The following WWOX variants were observed in gnomAD, a reference collection of about 807,000 sequenced individuals.
The protein encoded by WWOX is WW domain-containing oxidoreductase.
WWOX carries 69 observed loss-of-function variants against 46.2 expected under a neutral mutation model. That is an observed-to-expected ratio of 1.49 (90% CI 1.23 to 1.82). The LOEUF (loss-of-function observed/expected upper bound fraction) is 1.82. WWOX is among the 40% of genes most tolerant of loss of function. The pLI is 0.00. For synonymous variants in WWOX, 359 were observed against 202.6 expected (o/e 1.77, Z -6.56); for missense variants, 919 against 542.6 (o/e 1.69, Z -6.89).
At chr16:79,009,414 G>C (rs1178522911) in intron 8 of WWOX, among the ~76,000 whole-genome samples, 1 of 152,138 alleles carries the variant, frequency 6.6e-6, no homozygotes, top group Non-Finnish European at 1.5e-5. Flanking sequence ...TGGGAAGAGA[G>C]GAGTGGGCAA....
chr16:78,310,006 C>G (rs1046121700), intron 5 of WWOX, among the ~76,000 whole-genome samples: 1 of 152,030 alleles, frequency 6.6e-6, no homozygotes, highest in East Asian at 1.9e-4. Flanking sequence ...TAGTTACTGT[C>G]GCTCCTGTGA....
At chr16:79,125,053 T>G (rs2049721996) in intron 8 of WWOX, among the ~76,000 whole-genome samples, 2 of 152,080 alleles carry the variant, frequency 1.3e-5, no homozygotes, top group African/African-American at 4.8e-5. Context: ...CCATCTTTTT[T>G]TTTTTTTTTA....
At position 78,153,542 on chromosome 16, in the gene WWOX, G is replaced by C. The variant is rs541182712; in HGVS notation, c.410-10641G>C. 1.7e-3 allele frequency among the ~76,000 whole-genome samples: 256 copies of C among 152,162 alleles called. 1 individual carries two copies. The highest frequency in any genetic ancestry group is 2.9e-3 in the Non-Finnish European group (195 of 68,022). ...ATCTCCAGGGAGGGAGAGGATGTGT[G>C]CTGGAAGATTCTACAACTTGTTGAT... is the stretch of plus-strand genomic sequence containing the variant. On this transcript the variant is annotated intron_variant, in intron 4 of 8. Coordinates refer to ENST00000566780, the MANE Select transcript of WWOX (RefSeq NM_016373.4).
chr16:78,618,811 C>T (rs1446055918), intron 8 of WWOX, among the ~76,000 whole-genome samples: 2 of 151,768 alleles, frequency 1.3e-5, no homozygotes, highest in African/African-American at 4.8e-5. Flanking sequence ...TGCCCTGTGG[C>T]CTGAATTGGT....
chr16:79,005,516 C>G (rs1018275759), intron 8 of WWOX, among the ~76,000 whole-genome samples: 3 of 152,200 alleles, frequency 2.0e-5, no homozygotes, highest in Non-Finnish European at 4.4e-5. Flanking sequence ...TCTCTGAAAA[C>G]TCTATGGGGG....
chr16:78,120,808 G>A (rs2151682688), intron 4 of WWOX, among the ~76,000 whole-genome samples: 1 of 152,202 alleles, frequency 6.6e-6, no homozygotes, highest in East Asian at 1.9e-4. Context: ...TACGTGAATA[G>A]AAGAAAATTA....
chr16:78,184,555 T>C (rs1166381625), intron 5 of WWOX, among the ~76,000 whole-genome samples: 1 of 149,300 alleles, frequency 6.7e-6, no homozygotes, highest in Non-Finnish European at 1.5e-5. Flanking sequence ...CACCGAGATC[T>C]ATTTTTTCCC....
At chr16:78,770,867 G>A (rs1329919085) in intron 8 of WWOX, among the ~76,000 whole-genome samples, 1 of 152,260 alleles carries the variant, frequency 6.6e-6, no homozygotes, top group East Asian at 1.9e-4. Context: ...TGGACGGTTG[G>A]CACCGATGCT....
At chr16:78,139,652 A>G (rs1331233141) in intron 4 of WWOX, among the ~76,000 whole-genome samples, 2 of 152,202 alleles carry the variant, frequency 1.3e-5, no homozygotes, top group African/African-American at 2.4e-5. Flanking sequence ...CTCTAAATAC[A>G]TAAATAAATA....
At chr16:78,849,354 G>A (rs576385239) in intron 8 of WWOX, among the ~76,000 whole-genome samples, 21 of 150,880 alleles carry the variant, frequency 1.4e-4, no homozygotes, top group African/African-American at 5.1e-4. Context: ...GGGGGATCAC[G>A]AGGTCGGGAG....
intron 8 of WWOX, among the ~76,000 whole-genome samples, chr16:79,070,109 C>G (rs1393267225): frequency 6.6e-6 from 1 of 152,246 alleles, no homozygotes; most frequent in African/African-American, 2.4e-5. Context: ...AAAGATTGGG[C>G]AAATTGACTT....
chr16:79,185,387 AAG>A (rs1016314016), intron 8 of WWOX, among the ~76,000 whole-genome samples: 27 of 152,326 alleles, frequency 1.8e-4, no homozygotes, highest in Middle Eastern at 3.4e-3. Flanking sequence ...GAGGGGAAAA[AAG>A]AGGTAATACT....
chr16:78,527,593 C>G (rs1257135704), intron 8 of WWOX, among the ~76,000 whole-genome samples: 1 of 152,192 alleles, frequency 6.6e-6, no homozygotes, highest in African/African-American at 2.4e-5. Flanking sequence ...CGCGCCCAGC[C>G]AGACTTGTAT....
chr16:78,904,798 T>A (rs374238971), intron 8 of WWOX, among the ~76,000 whole-genome samples: 2 of 152,232 alleles, frequency 1.3e-5, no homozygotes, highest in East Asian at 1.9e-4. Flanking sequence ...CTTCTTTTTA[T>A]CAACACTTAG....
chr16:78,623,341 C>G (rs1017519270), intron 8 of WWOX, among the ~76,000 whole-genome samples: 9 of 152,178 alleles, frequency 5.9e-5, no homozygotes, highest in Non-Finnish European at 2.9e-5. Context: ...AAGTTACTCA[C>G]CAGGTTTCAG....
intron 8 of WWOX, among the ~76,000 whole-genome samples, chr16:79,000,785 C>T (rs2047077428): frequency 6.6e-6 from 1 of 152,058 alleles, no homozygotes; most frequent in Non-Finnish European, 1.5e-5. Context: ...TATAATATAC[C>T]CTCTAAAAGC....
At chr16:79,036,880 G>A (rs1156589629) in intron 8 of WWOX, among the ~76,000 whole-genome samples, 3 of 152,226 alleles carry the variant, frequency 2.0e-5, no homozygotes, top group Non-Finnish European at 4.4e-5. Context: ...TTCAGTGGAA[G>A]TGCCAAAGGG....
intron 8 of WWOX, among the ~76,000 whole-genome samples, chr16:78,544,846 G>A (rs1162476463): frequency 2.6e-5 from 4 of 152,098 alleles, no homozygotes; most frequent in Non-Finnish European, 5.9e-5. Flanking sequence ...CTGCACTCTA[G>A]CATGCGTGAC....
intron 8 of WWOX, among the ~76,000 whole-genome samples, chr16:79,073,037 G>A (rs1052628901): frequency 6.6e-6 from 1 of 152,028 alleles, no homozygotes; most frequent in Admixed American, 6.6e-5. Context: ...CTAGACGTGT[G>A]CTAGCCTCAG....
Sources: gnomAD v4.1 joint callset for allele counts (sites outside exome capture counted in the v4.1 genomes callset) on GRCh38, gnomAD v4.1.1 for gene constraint, MANE v1.5 for transcripts, NCBI Gene and HGNC (gene_info 2026-07-23, HGNC 2026-07-21) for gene names.